Variants in CPO observed in about 807,000 individuals in gnomAD.
The protein encoded by CPO is carboxypeptidase O.
In CPO, 43 loss-of-function variants were observed where a neutral mutation model predicts 41.2. The observed-to-expected ratio is 1.04, with a 90% confidence interval of 0.82 to 1.35. The LOEUF is 1.35. Among genes scored for constraint, CPO ranks in the 40% most tolerant of loss-of-function variants. CPO has a pLI of 0.00. For missense variants in CPO, 408 were observed against 451.7 expected, an observed-to-expected ratio of 0.90 and a Z score of 0.88; for synonymous variants, 178 against 162.7, an observed-to-expected ratio of 1.09 and a Z score of -0.72.
intron 3 of CPO, among the ~76,000 whole-genome samples, chr2:206,955,996 G>T (rs1693350468): frequency 6.6e-6 from 1 of 152,082 alleles, no homozygotes; most frequent in African/African-American, 2.4e-5. Context: ...TTCCTTTTAT[G>T]GTTAAGGGAA....
chr2:206,958,302 T>G lies in CPO; in HGVS notation c.269T>G (p.Ile90Ser). 3 of 1,562,916 alleles carry G rather than the reference T, an allele frequency of 1.9e-6. No homozygotes were observed. The highest frequency in any genetic ancestry group is 2.6e-6 in the Non-Finnish European group (3 of 1,145,180). Residue 90 changes from isoleucine (I) to serine (S), a missense_variant and splice_region_variant, in exon 4 of 9, where the codon ATC (isoleucine) becomes AGC (serine). Physicochemically the swap from Ile to Ser is moderately radical, Grantham distance 142. Coordinates refer to ENST00000272852, the MANE Select transcript of CPO (RefSeq NM_173077.3). ...YETHPMYYLK[I>S]SQPSGNPKKI... ...ATGGGGCATGGATATCTTCTCCAGATCAGCCAACCATCTGGTAATCCCAAG... is the reference window on the plus strand; with the variant it reads ...ATGGGGCATGGATATCTTCTCCAGAGCAGCCAACCATCTGGTAATCCCAAG...
At chr2:206,967,930 G>C (rs115981465) in intron 7 of CPO, among the ~76,000 whole-genome samples, 1 of 152,356 alleles carries the variant, frequency 6.6e-6, no homozygotes, top group African/African-American at 2.4e-5. Context: ...GGTAGAGTCT[G>C]ACATAGAATG....
chr2:206,940,094 G>T (rs1434352761), intron 1 of CPO, among the ~76,000 whole-genome samples: 2 of 152,080 alleles, frequency 1.3e-5, no homozygotes, highest in African/African-American at 2.4e-5. Context: ...ACCTGATTAT[G>T]TATGCAGCAC....
Position 206,958,323 on chromosome 2 carries a change from C to T in CPO, c.290C>T (p.Pro97Leu). The change falls in exon 4 of 9, where the codon CCC becomes CTC. Residue 97 changes from proline to leucine, a missense_variant. Coordinates refer to ENST00000272852, the MANE Select transcript of CPO (RefSeq NM_173077.3). ...YLKISQPSGN[P>L]KKIIWMDCGI... ...CAGATCAGCCAACCATCTGGTAATCCCAAGAAAATCATTTGGATGGACTGT... is the reference window on the plus strand; with the variant it reads ...CAGATCAGCCAACCATCTGGTAATCTCAAGAAAATCATTTGGATGGACTGT... The T allele has an allele frequency of 6.3e-7, 1 of 1,595,022 alleles. No homozygotes were observed. The highest frequency in any genetic ancestry group is 8.5e-7 in the Non-Finnish European group (1 of 1,170,350).
At chr2:206,959,418 C>T (rs960543618) in intron 4 of CPO, among the ~76,000 whole-genome samples, 11 of 152,044 alleles carry the variant, frequency 7.2e-5, no homozygotes, top group Non-Finnish European at 1.5e-4. Flanking sequence ...AGAGTGGATG[C>T]CAGCAATCTG....
intron 7 of CPO, among the ~76,000 whole-genome samples, chr2:206,966,449 A>G (rs542288842): frequency 6.6e-6 from 1 of 152,302 alleles, no homozygotes; most frequent in Admixed American, 6.5e-5. Flanking sequence ...GGTAAATCAC[A>G]ATGCTTTTCC....
chr2:206,946,668 C>G (rs1693151435), intron 1 of CPO, among the ~76,000 whole-genome samples: 1 of 152,026 alleles, frequency 6.6e-6, no homozygotes, highest in Non-Finnish European at 1.5e-5. Flanking sequence ...AGAAATAATA[C>G]TGTATTTGTT....
chr2:206,956,412 T>TCAG (rs141567906), intron 3 of CPO, among the ~76,000 whole-genome samples: 26,466 of 144,902 alleles, frequency 0.18, 2,376 homozygotes, highest in East Asian at 0.22. Flanking sequence ...ATCATCATCA[T>TCAG]CATCAGCAGC....
chr2:206,951,642 T>C (rs1453166), intron 2 of CPO, among the ~76,000 whole-genome samples: 105,522 of 152,126 alleles, frequency 0.69, 37,137 homozygotes, highest in Middle Eastern at 0.82. Flanking sequence ...GTATGGCCCA[T>C]GGACACTTTA....
At chr2:206,951,327 G>A (rs1336016495) in intron 2 of CPO, among the ~76,000 whole-genome samples, 2 of 152,140 alleles carry the variant, frequency 1.3e-5, no homozygotes, top group Non-Finnish European at 2.9e-5. Context: ...TTCCAAAATT[G>A]GATACAGTGA....
At chr2:206,948,422 G>A (rs961669828) in intron 1 of CPO, among the ~76,000 whole-genome samples, 1 of 152,180 alleles carries the variant, frequency 6.6e-6, no homozygotes, top group African/African-American at 2.4e-5. Context: ...CAGGGGTTAG[G>A]GAAAGGGAGG....
chr2:206,942,849 A>G (rs1693054457), intron 1 of CPO, among the ~76,000 whole-genome samples: 1 of 152,152 alleles, frequency 6.6e-6, no homozygotes, highest in Admixed American at 6.6e-5. Context: ...AAAGTATTCG[A>G]GTTTCTGAGG....
chr2:206,943,735 TAGATA>T (rs1278507284), intron 1 of CPO, among the ~76,000 whole-genome samples: 1 of 81,548 alleles, frequency 1.2e-5, no homozygotes, highest in African/African-American at 6.0e-5. Context: ...AGATGATAGA[TAGATA>T]GATAGATAGA....
At chr2:206,957,696 G>A (rs193200125) in intron 3 of CPO, among the ~76,000 whole-genome samples, 7 of 152,254 alleles carry the variant, frequency 4.6e-5, no homozygotes, top group South Asian at 2.1e-4. Context: ...CCCACCTACC[G>A]CTCTGAAAGA....
intron 7 of CPO, among the ~76,000 whole-genome samples, chr2:206,967,417 G>A (rs1693602611): frequency 6.6e-6 from 1 of 151,342 alleles, no homozygotes; most frequent in Non-Finnish European, 1.5e-5. Context: ...GGAAAAAGAA[G>A]AGGGGGGTCA....
rs543833217 is a variant in CPO, at chr2:206,948,659, G to A, written c.69-958G>A. ...GACCTGTAGTGCCAATTAATTGAGA[G>A]GCTGAAGTAGGAGGATATTCTGAGC... On this transcript the variant is annotated intron_variant, in intron 1 of 8. Coordinates refer to ENST00000272852, the MANE Select transcript of CPO (RefSeq NM_173077.3). Among the ~76,000 whole-genome samples, 11 of 152,246 alleles carry A rather than the reference G, an allele frequency of 7.2e-5. 1 individual carries two copies. In the South Asian group the frequency reaches 2.1e-3, roughly 29 times the overall value.
chr2:206,951,901 G>T (rs1693271882), intron 2 of CPO, among the ~76,000 whole-genome samples: 1 of 152,130 alleles, frequency 6.6e-6, no homozygotes, highest in African/African-American at 2.4e-5. Flanking sequence ...AAGACATAAG[G>T]CATCTGCATC....
At chr2:206,964,366 T>C (rs1453245522) in intron 7 of CPO, among the ~76,000 whole-genome samples, 1 of 152,236 alleles carries the variant, frequency 6.6e-6, no homozygotes, top group Admixed American at 6.5e-5. Context: ...CTTTACAATT[T>C]ACAGAGAGAT....
intron 1 of CPO, among the ~76,000 whole-genome samples, chr2:206,947,272 A>T (rs550504839): frequency 2.0e-5 from 3 of 152,286 alleles, no homozygotes; most frequent in African/African-American, 7.2e-5. Flanking sequence ...AACCTACATA[A>T]ATATAGTCAA....
Sources: gnomAD v4.1 joint callset for allele counts (sites outside exome capture counted in the v4.1 genomes callset) on GRCh38, gnomAD v4.1.1 for gene constraint, MANE v1.5 for transcripts, NCBI Gene and HGNC (gene_info 2026-07-23, HGNC 2026-07-21) for gene names.